Variants in DDX60L observed in about 807,000 individuals in gnomAD.
DDX60L encodes the protein probable ATP-dependent RNA helicase DDX60-like.
A neutral mutation model predicts 211.6 loss-of-function variants in DDX60L; 191 were observed. The ratio of observed to expected loss-of-function variants is 0.90; its 90% CI spans 0.80 to 1.02. The LOEUF is 1.02. Among genes scored for constraint, DDX60L ranks in the 50% least tolerant of loss-of-function variants. DDX60L has a pLI of 0.00. For missense variants in DDX60L, 2,007 were observed against 1,984.1 expected, an observed-to-expected ratio of 1.01 and a Z score of -0.22; for synonymous variants, 706 against 694.1, an observed-to-expected ratio of 1.02 and a Z score of -0.27.
intron 13 of DDX60L, among the ~76,000 whole-genome samples, chr4:168,428,295 C>T (rs1447206076): frequency 6.6e-6 from 1 of 152,040 alleles, no homozygotes. Flanking sequence ...AGGAGAGAGA[C>T]CCAACAGCAG....
intron 4 of DDX60L, among the ~76,000 whole-genome samples, chr4:168,467,758 A>T (rs1169780575): frequency 6.6e-6 from 1 of 152,230 alleles, no homozygotes; most frequent in Non-Finnish European, 1.5e-5. Context: ...TCGTCTGAGG[A>T]AATAATACCA....
intron 29 of DDX60L, among the ~76,000 whole-genome samples, chr4:168,385,391 C>T (rs1743687387): frequency 6.6e-6 from 1 of 152,184 alleles, no homozygotes; most frequent in Non-Finnish European, 1.5e-5. Flanking sequence ...TTGACCCATA[C>T]CTTGCCCTCA....
intron 10 of DDX60L, among the ~76,000 whole-genome samples, chr4:168,440,287 A>C (rs570686821): frequency 6.6e-6 from 1 of 152,358 alleles, no homozygotes; most frequent in South Asian, 2.1e-4. Context: ...AAATGCCCAC[A>C]TGGAAGGTGG....
chr4:168,420,301 G>T lies in DDX60L; in HGVS notation c.2474C>A (p.Ala825Asp). Residue 825 changes from alanine (A) to aspartate (D), a missense_variant, in exon 18 of 38, where the codon GCT becomes GAT. Coordinates refer to ENST00000682922, the MANE Select transcript of DDX60L (RefSeq NM_001012967.3). ...ATTGTGACAATAATCTCTTGTAAAA[G>T]CACCGCATAGAGTTCTGCCGGCAGG... ...TLPAGRTLCG[A>D]FTRDYCHNVL... 1 of 1,607,640 alleles carries T rather than the reference G, an allele frequency of 6.2e-7. No homozygotes were observed. Among genetic ancestry groups the T allele is most frequent in the Non-Finnish European group, 8.5e-7 (1 of 1,177,756 alleles).
intron 26 of DDX60L, among the ~76,000 whole-genome samples, chr4:168,399,160 T>C (rs1234777144): frequency 2.0e-5 from 3 of 152,222 alleles, no homozygotes; most frequent in African/African-American, 7.2e-5. Context: ...GACCACTGAA[T>C]GGCAGGGCTA....
intron 11 of DDX60L, among the ~76,000 whole-genome samples, chr4:168,432,804 T>C (rs1318922156): frequency 6.6e-6 from 1 of 151,172 alleles, no homozygotes; most frequent in Non-Finnish European, 1.5e-5. Flanking sequence ...TATTATACGT[T>C]CAAAATAATA....
intron 25 of DDX60L, 149 bp downstream of exon 25, chr4:168,403,833 T>G: frequency 2.5e-6 from 1 of 397,712 alleles, no homozygotes; most frequent in South Asian, 1.3e-4. Flanking sequence ...TCTTTAAAAA[T>G]AAAATCTATA....
rs1299204704 is a variant in DDX60L at position 168,461,807 on chromosome 4, C to T, written c.498G>A (p.Trp166Ter). Residue 166 changes from tryptophan (W) to a stop codon, truncating the protein, a stop_gained, in exon 5 of 38, where the codon TGG becomes TGA. Transcript: ENST00000682922. LOFTEE classifies it high-confidence loss of function. ...AAAGCACAACATTGACTTTCATTCC[C>T]CAGGAATGTATGATTAGGAAGTTAA... ...YLFNFLIIHS[W>*]GMKVNVVLSS... The T allele has an allele frequency of 1.2e-6, 2 of 1,605,996 alleles. No individual in the cohort carries two copies. Among genetic ancestry groups the T allele is most frequent in the Non-Finnish European group, 1.7e-6 (2 of 1,175,402 alleles).
chr4:168,432,916 T>A (rs961913204), intron 11 of DDX60L, 94 bp downstream of exon 11: 3 of 702,492 alleles, frequency 4.3e-6, no homozygotes, highest in Non-Finnish European at 7.2e-6. Flanking sequence ...CATATCCTGA[T>A]ATGATATATT....
intron 37 of DDX60L, among the ~76,000 whole-genome samples, chr4:168,359,737 A>G (rs976460241): frequency 3.3e-5 from 5 of 152,132 alleles, no homozygotes; most frequent in Non-Finnish European, 7.3e-5. Context: ...TCCAAACTTC[A>G]TTGCCTAACA....
chr4:168,428,367 T>C (rs1751802771), intron 13 of DDX60L, among the ~76,000 whole-genome samples: 1 of 152,286 alleles, frequency 6.6e-6, no homozygotes, highest in South Asian at 2.1e-4. Flanking sequence ...TGAGGAGATA[T>C]CCTGTCACTG....
intron 8 of DDX60L, among the ~76,000 whole-genome samples, chr4:168,451,112 C>G (rs1483061723): frequency 1.3e-5 from 2 of 152,160 alleles, no homozygotes; most frequent in African/African-American, 4.8e-5. Flanking sequence ...CTTCACCACT[C>G]TTTTTCAGTG....
At chr4:168,404,746 T>C (rs886927702) in intron 24 of DDX60L, among the ~76,000 whole-genome samples, 2 of 152,168 alleles carry the variant, frequency 1.3e-5, no homozygotes, top group Non-Finnish European at 2.9e-5. Context: ...TCTTTTTTAA[T>C]CAGAAAAAAT....
At chr4:168,453,048 A>C in intron 8 of DDX60L, 76 bp downstream of exon 8, 3 of 1,392,826 alleles carry the variant, frequency 2.2e-6, no homozygotes, top group South Asian at 3.0e-5. Flanking sequence ...CATTATTCCA[A>C]TATAACTCTA....
At chr4:168,432,661 T>C (rs1487336618) in intron 11 of DDX60L, 91 bp from the exon 12 acceptor site, 49 of 694,588 alleles carry the variant, frequency 7.1e-5, no homozygotes, top group Non-Finnish European at 8.9e-6. Flanking sequence ...TTGTACAACC[T>C]CTTTTTCTAT....
rs939628380 is a variant in DDX60L at position 168,356,985 on chromosome 4, C to T, written c.*1162G>A. 1.3e-5 allele frequency: 2 copies of T among 152,090 alleles called. No homozygotes were observed. The highest frequency in any genetic ancestry group is 2.9e-5 in the Non-Finnish European group (2 of 68,028). The allele number at this position is 152,090 out of a possible 1,614,324, so 9.4% of individuals were successfully genotyped here. A position where few individuals can be genotyped will look rare whatever the true frequency, so the allele number is the denominator to read the frequency against. On this transcript the variant is annotated 3_prime_UTR_variant, in exon 38 of 38. Transcript: ENST00000682922. ...GAAACTTTTTTCTCCTTCAGAGTAC[C>T]GTATTCATTTATCACAGCAAAAACG... is the stretch of plus-strand genomic sequence containing the variant.
At chr4:168,361,386 CA>C (rs574505931) in intron 36 of DDX60L, 175 bp from the exon 37 acceptor site, 56 of 473,810 alleles carry the variant, frequency 1.2e-4, no homozygotes, top group Middle Eastern at 5.6e-4. Context: ...GTAAAAACCA[CA>C]AAAAAAATTA....
chr4:168,474,293 G>C (rs1236706239), intron 1 of DDX60L, among the ~76,000 whole-genome samples: 1 of 152,078 alleles, frequency 6.6e-6, no homozygotes, highest in Non-Finnish European at 1.5e-5. Context: ...GACAGGTTAG[G>C]AAAGCCTAAA....
intron 29 of DDX60L, among the ~76,000 whole-genome samples, chr4:168,388,894 CA>C (rs1744338720): frequency 6.6e-6 from 1 of 152,252 alleles, no homozygotes; most frequent in African/African-American, 2.4e-5. Context: ...GAAAGGATAC[CA>C]AGAGACTGTG....
Sources: gnomAD v4.1 joint callset for allele counts (sites outside exome capture counted in the v4.1 genomes callset) on GRCh38, gnomAD v4.1.1 for gene constraint, MANE v1.5 for transcripts, NCBI Gene and HGNC (gene_info 2026-07-23, HGNC 2026-07-21) for gene names.